The following BCL2 variants were observed in gnomAD, a reference collection of about 807,000 sequenced individuals.
BCL2 encodes the protein apoptosis regulator Bcl-2.
In BCL2, 1 loss-of-function variant was observed where a neutral mutation model predicts 14.2. The observed-to-expected ratio is 0.07, with a 90% confidence interval of 0.02 to 0.33. The LOEUF (loss-of-function observed/expected upper bound fraction) is 0.33, where lower values mean the gene tolerates loss of function less well. Ranked by LOEUF, BCL2 falls within the 10% of genes least tolerant of loss-of-function variation. The probability of loss-of-function intolerance (pLI) is 0.99; values close to 1 mark genes in which losing one functional copy is unlikely to be tolerated. For missense variants in BCL2, 247 were observed against 305.9 expected (o/e 0.81, Z 1.44); for synonymous variants, 151 against 137.2 (o/e 1.10, Z -0.70).
At chr18:63,281,722 A>C (rs373219590) in intron 2 of BCL2, among the ~76,000 whole-genome samples, 8 of 125,638 alleles carry the variant, frequency 6.4e-5, no homozygotes, top group Admixed American at 4.8e-4. Flanking sequence ...GAAAGAAAGA[A>C]AGAAAGAAAG....
intron 2 of BCL2, among the ~76,000 whole-genome samples, chr18:63,230,515 A>G (rs117937754): frequency 0.024 from 3,690 of 152,238 alleles, 63 homozygotes; most frequent in Non-Finnish European, 0.038. Context: ...AACAGAAACA[A>G]TAGAGAATAG....
chr18:63,303,358 GA>G (rs879675424), intron 2 of BCL2, among the ~76,000 whole-genome samples: 4 of 150,740 alleles, frequency 2.7e-5, no homozygotes, highest in East Asian at 3.9e-4. Context: ...AAGGGAGACA[GA>G]AAAAAAAAGT....
At chr18:63,192,001 A>C (rs1055625039) in intron 2 of BCL2, among the ~76,000 whole-genome samples, 1 of 152,228 alleles carries the variant, frequency 6.6e-6, no homozygotes, top group Admixed American at 6.5e-5. Context: ...CAAACTACTC[A>C]TTGAACTACT....
At chr18:63,169,307 T>C (rs148813106) in intron 2 of BCL2, among the ~76,000 whole-genome samples, 3,442 of 72,876 alleles carry the variant, frequency 0.047, 206 homozygotes, top group Middle Eastern at 0.062. Context: ...TTTCTTTCTT[T>C]CTTCCTTCCT....
At chr18:63,219,805 T>C (rs767233634) in intron 2 of BCL2, among the ~76,000 whole-genome samples, 1 of 152,216 alleles carries the variant, frequency 6.6e-6, no homozygotes, top group African/African-American at 2.4e-5. Context: ...CACCTCACTA[T>C]GCTAGGCCAC....
At chr18:63,289,321 C>G (rs188193749) in intron 2 of BCL2, among the ~76,000 whole-genome samples, 27 of 152,204 alleles carry the variant, frequency 1.8e-4, no homozygotes, top group African/African-American at 6.3e-4. Context: ...TAGAAATCAG[C>G]GGGGTCACTC....
At chr18:63,252,644 C>T (rs1568247658) in intron 2 of BCL2, among the ~76,000 whole-genome samples, 1 of 152,212 alleles carries the variant, frequency 6.6e-6, no homozygotes, top group Non-Finnish European at 1.5e-5. Flanking sequence ...TAAGATGTGA[C>T]TTGATCCTCT....
At chr18:63,302,120 G>C (rs919850225) in intron 2 of BCL2, among the ~76,000 whole-genome samples, 4 of 151,984 alleles carry the variant, frequency 2.6e-5, no homozygotes, top group African/African-American at 9.7e-5. Flanking sequence ...CTGAGGTCAG[G>C]AGTTCGAGAC....
At chr18:63,254,989 G>A (rs1911429055) in intron 2 of BCL2, among the ~76,000 whole-genome samples, 1 of 152,216 alleles carries the variant, frequency 6.6e-6, no homozygotes, top group Non-Finnish European at 1.5e-5. Context: ...ACTTGGATCT[G>A]GTCCTTGGAT....
At position 63,306,842 on chromosome 18, in the gene BCL2, C is replaced by CTT. The variant is rs11407054; in HGVS notation, c.585+11238_585+11239dup. ...TAAAATATTATGAGGTTTTTTTGTG[C>CTT]TTTTTTTTTTTTTTTAGCTCATCAG... is the stretch of plus-strand genomic sequence containing the variant. On this transcript the variant is annotated intron_variant, in intron 2 of 2. Coordinates refer to ENST00000333681, the MANE Select transcript of BCL2 (RefSeq NM_000633.3). 3.1e-3 allele frequency among the ~76,000 whole-genome samples: 439 copies of CTT among 140,890 alleles called. 3 individuals are homozygous for CTT. The highest frequency in any genetic ancestry group is 5.6e-3 in the African/African-American group (215 of 38,300). 92.4% of individuals were successfully genotyped at this position (140,890 alleles called of 152,430 possible). A position where few individuals can be genotyped will look rare whatever the true frequency, so the allele number is the denominator to read the frequency against.
At chr18:63,251,280 G>C (rs778364855) in intron 2 of BCL2, among the ~76,000 whole-genome samples, 2 of 152,034 alleles carry the variant, frequency 1.3e-5, no homozygotes, top group Non-Finnish European at 2.9e-5. Flanking sequence ...TCAGGTACTA[G>C]AAATTATATT....
intron 2 of BCL2, among the ~76,000 whole-genome samples, chr18:63,140,601 G>A (rs1291178838): frequency 6.6e-6 from 1 of 152,226 alleles, no homozygotes. Flanking sequence ...AATAGGCAAG[G>A]CCATCAAGAC....
chr18:63,184,866 A>C (rs1218544238), intron 2 of BCL2, among the ~76,000 whole-genome samples: 2 of 152,176 alleles, frequency 1.3e-5, no homozygotes, highest in African/African-American at 4.8e-5. Context: ...CTTCTTCTTG[A>C]ATGTAGACTG....
chr18:63,207,046 CAA>C (rs896458623), intron 2 of BCL2, among the ~76,000 whole-genome samples: 6 of 152,114 alleles, frequency 3.9e-5, no homozygotes, highest in African/African-American at 1.2e-4. Context: ...TCGGGGTAAA[CAA>C]GAGGAGATTT....
chr18:63,237,436 C>A (rs1054713683), intron 2 of BCL2, among the ~76,000 whole-genome samples: 3 of 152,202 alleles, frequency 2.0e-5, no homozygotes, highest in African/African-American at 7.2e-5. Flanking sequence ...GATCGCATGT[C>A]TGAGATGATT....
At chr18:63,242,733 G>A (rs1164077158) in intron 2 of BCL2, among the ~76,000 whole-genome samples, 2 of 152,178 alleles carry the variant, frequency 1.3e-5, no homozygotes, top group African/African-American at 4.8e-5. Flanking sequence ...ATGTGAAGTG[G>A]TATGATTTAT....
chr18:63,239,729 G>A (rs1290043654), intron 2 of BCL2, among the ~76,000 whole-genome samples: 2 of 148,226 alleles, frequency 1.3e-5, no homozygotes, highest in African/African-American at 5.0e-5. Flanking sequence ...GACAGAGAGA[G>A]ACTCTGTCTC....
chr18:63,238,526 C>T (rs1910901876), intron 2 of BCL2, among the ~76,000 whole-genome samples: 1 of 152,276 alleles, frequency 6.6e-6, no homozygotes, highest in African/African-American at 2.4e-5. Context: ...GTTATTGCCA[C>T]AGCTGGTTGG....
At chr18:63,314,225 C>G (rs1299917281) in intron 2 of BCL2, 1 of 152,206 alleles carries the variant, frequency 6.6e-6, no homozygotes, top group African/African-American at 2.4e-5. Flanking sequence ...CATCTTCAAG[C>G]TATTTTTAAT....
Sources: gnomAD v4.1 joint callset for allele counts (sites outside exome capture counted in the v4.1 genomes callset) on GRCh38, gnomAD v4.1.1 for gene constraint, MANE v1.5 for transcripts, NCBI Gene and HGNC (gene_info 2026-07-23, HGNC 2026-07-21) for gene names.